The following THADA variants were observed in gnomAD, a reference collection of about 807,000 sequenced individuals.
THADA encodes THADA armadillo repeat containing, also known as tRNA (32-2'-O)-methyltransferase regulator THADA.
A neutral mutation model predicts 219.8 loss-of-function variants in THADA; 213 were observed. The ratio of observed to expected loss-of-function variants is 0.97; its 90% CI spans 0.87 to 1.09. The LOEUF is 1.09. Among genes scored for constraint, THADA ranks in the 50% least tolerant of loss-of-function variants. The pLI, the probability that THADA is intolerant of heterozygous loss-of-function variation, is 0.00. For missense variants in THADA, 2,956 were observed against 2,311.3 expected (o/e 1.28, Z -5.72); for synonymous variants, 1,018 against 828.9 (o/e 1.23, Z -3.92).
chr2:43,445,654 A>G (rs1314204091), intron 26 of THADA, among the ~76,000 whole-genome samples: 2 of 152,178 alleles, frequency 1.3e-5, no homozygotes, highest in African/African-American at 4.8e-5. Context: ...GTAGGTAGCC[A>G]TAGGATTTTT....
At chr2:43,588,235 G>C (rs761849077) in intron 4 of THADA, among the ~76,000 whole-genome samples, 1 of 149,592 alleles carries the variant, frequency 6.7e-6, no homozygotes, top group Non-Finnish European at 1.5e-5. Flanking sequence ...AAACTAAATT[G>C]AATCCCTACC....
At chr2:43,270,635 T>C (rs759261723) in intron 36 of THADA, among the ~76,000 whole-genome samples, 1 of 152,168 alleles carries the variant, frequency 6.6e-6, no homozygotes, top group Non-Finnish European at 1.5e-5. Context: ...CTCTGACACT[T>C]ATCTGCCTTG....
intron 26 of THADA, among the ~76,000 whole-genome samples, chr2:43,434,974 G>A (rs2104838217): frequency 6.6e-6 from 1 of 152,292 alleles, no homozygotes; most frequent in Non-Finnish European, 1.5e-5. Flanking sequence ...GAGCCCCACA[G>A]CCTGCCTGTC....
At chr2:43,252,775 CA>C (rs1292676237) in intron 36 of THADA, among the ~76,000 whole-genome samples, 3 of 152,200 alleles carry the variant, frequency 2.0e-5, no homozygotes, top group Non-Finnish European at 4.4e-5. Flanking sequence ...CACCTCTCCC[CA>C]AACCCAATCT....
chr2:43,430,305 G>C lies in THADA; in HGVS notation c.3837-3C>G. ...AGAAAAACTCTCTCCCTGTCATTCT[G>C]TGAAAGAAGGAGGAAAAAATTTATT... On this transcript the variant is annotated splice_region_variant and splice_polypyrimidine_tract_variant and intron_variant, in intron 26 of 37. Transcript: ENST00000405975. 1 of 1,519,034 alleles carries C rather than the reference G, an allele frequency of 6.6e-7. No homozygotes were observed. Among genetic ancestry groups the C allele is most frequent in the Non-Finnish European group, 8.9e-7 (1 of 1,129,592 alleles). The allele number at this position is 1,519,034 out of a possible 1,614,324, so 94.1% of individuals were successfully genotyped here. A position where few individuals can be genotyped will look rare whatever the true frequency, so the allele number is the denominator to read the frequency against.
At chr2:43,261,357 G>C (rs1670922700) in intron 36 of THADA, among the ~76,000 whole-genome samples, 2 of 150,710 alleles carry the variant, frequency 1.3e-5, no homozygotes, top group Admixed American at 1.3e-4. Context: ...CTGAGTAGCT[G>C]GGACTACAGG....
intron 21 of THADA, among the ~76,000 whole-genome samples, chr2:43,529,791 T>C (rs116595975): frequency 0.021 from 3,243 of 152,308 alleles, 41 homozygotes; most frequent in African/African-American, 0.044. Flanking sequence ...GCATAGGGAC[T>C]AGATTAGTAT....
At chr2:43,311,531 T>G (rs13418562) in intron 31 of THADA, among the ~76,000 whole-genome samples, 34 of 152,260 alleles carry the variant, frequency 2.2e-4, no homozygotes, top group Admixed American at 6.5e-4. Context: ...CCCAAGAGAA[T>G]TGAAAACACA....
At chr2:43,502,271 A>G (rs1689085601) in intron 24 of THADA, among the ~76,000 whole-genome samples, 1 of 152,178 alleles carries the variant, frequency 6.6e-6, no homozygotes, top group African/African-American at 2.4e-5. Flanking sequence ...AAACTTGAAA[A>G]CTTTTAAAAG....
chr2:43,440,625 T>A (rs961591119), intron 26 of THADA, among the ~76,000 whole-genome samples: 1 of 152,186 alleles, frequency 6.6e-6, no homozygotes, highest in Non-Finnish European at 1.5e-5. Flanking sequence ...GATCCCTGAG[T>A]ATATTTGCTC....
intron 22 of THADA, among the ~76,000 whole-genome samples, chr2:43,527,203 G>T (rs868668440): frequency 2.6e-5 from 4 of 152,132 alleles, no homozygotes; most frequent in Non-Finnish European, 5.9e-5. Flanking sequence ...AAGTTTCCAG[G>T]CAATGGAAAT....
rs771861087 is a variant in THADA at position 43,291,705 on chromosome 2, T to G, written c.5001A>C (p.Thr1667=). The change falls in exon 34 of 38, where the codon ACA becomes ACC. Residue 1667 remains threonine (T), a synonymous_variant. Coordinates refer to ENST00000405975, the MANE Select transcript of THADA (RefSeq NM_022065.5). The stretch of plus-strand genomic sequence containing the variant: ...TCAGAACCAGCCTTACCTCCACACA[T>G]GTCTGCATGTGGTGGGAAATGACTT... ...ASKVISHHMQ[T]CVENRELIAA... The G allele has an allele frequency of 6.4e-7, 1 of 1,555,564 alleles. No individual in the cohort carries two copies. The highest frequency in any genetic ancestry group is 8.7e-7 in the Non-Finnish European group (1 of 1,147,880).
intron 9 of THADA, among the ~76,000 whole-genome samples, chr2:43,578,238 G>A (rs12466060): frequency 0.097 from 14,690 of 151,100 alleles, 798 homozygotes; most frequent in South Asian, 0.15. Context: ...AAACTCCTAG[G>A]CTCAAGCGAT....
chr2:43,427,110 T>G (rs1224650304), intron 28 of THADA, among the ~76,000 whole-genome samples: 1 of 152,134 alleles, frequency 6.6e-6, no homozygotes, highest in African/African-American at 2.4e-5. Flanking sequence ...ACTACAAACG[T>G]AAAAGAGAAG....
intron 36 of THADA, among the ~76,000 whole-genome samples, chr2:43,268,373 T>G (rs550743233): frequency 6.6e-6 from 1 of 152,242 alleles, no homozygotes; most frequent in Admixed American, 6.5e-5. Context: ...CAACATGCCA[T>G]TCTATCTCAA....
chr2:43,394,065 G>C (rs148452082), intron 29 of THADA, among the ~76,000 whole-genome samples: 30 of 152,306 alleles, frequency 2.0e-4, no homozygotes, highest in South Asian at 8.3e-4. Context: ...AAAAGACAGA[G>C]CAGCCCTGCT....
chr2:43,516,363 A>G (rs1317484208), intron 22 of THADA, among the ~76,000 whole-genome samples: 1 of 152,012 alleles, frequency 6.6e-6, no homozygotes, highest in East Asian at 1.9e-4. Flanking sequence ...AACTTCTCTG[A>G]TCTCATCTAC....
At chr2:43,253,732 A>G (rs755329991) in intron 36 of THADA, among the ~76,000 whole-genome samples, 1 of 152,058 alleles carries the variant, frequency 6.6e-6, no homozygotes, top group Non-Finnish European at 1.5e-5. Context: ...CATTCAATAT[A>G]TAATTATATT....
At chr2:43,364,126 AGGAGGGAGGATGGCTCGAGCTGG>A (rs1317048089) in intron 29 of THADA, among the ~76,000 whole-genome samples, 1 of 152,108 alleles carries the variant, frequency 6.6e-6, no homozygotes, top group African/African-American at 2.4e-5. Context: ...AGGGAGGCTG[AGGAGGGAGGATGGCTCGAGCTGG>A]GGAGGCAAAG....
Sources: allele counts gnomAD v4.1 joint callset (sites outside exome capture counted in the v4.1 genomes callset), GRCh38; gene constraint gnomAD v4.1.1; transcripts MANE v1.5; gene names NCBI Gene and HGNC (gene_info 2026-07-23, HGNC 2026-07-21).